The following PPP1R1B variants were observed in gnomAD, a reference collection of about 807,000 sequenced individuals.
PPP1R1B encodes protein phosphatase 1 regulatory inhibitor subunit 1B.
PPP1R1B carries 13 observed loss-of-function variants against 28.2 expected under a neutral mutation model. The ratio of observed to expected loss-of-function variants is 0.46; its 90% confidence interval spans 0.30 to 0.73. The LOEUF (loss-of-function observed/expected upper bound fraction) is 0.73. Ranked by LOEUF, PPP1R1B falls within the 30% of genes least tolerant of loss-of-function variation. The pLI, the probability that PPP1R1B is intolerant of heterozygous loss-of-function variation, is 0.07. For synonymous variants in PPP1R1B, 102 were observed against 97.5 expected, an observed-to-expected ratio of 1.05 and a Z score of -0.27; for missense variants, 236 against 256.7, an observed-to-expected ratio of 0.92 and a Z score of 0.55.
chr17:39,630,281 A>G (rs2056867870), intron 4 of PPP1R1B: 2 of 522,906 alleles, frequency 3.8e-6, no homozygotes, highest in Non-Finnish European at 3.5e-6. Flanking sequence ...TGTGGGCTTG[A>G]AAGAAAAGAG....
chr17:39,634,031 A>G lies in PPP1R1B; in HGVS notation c.390A>G (p.Glu130=), dbSNP rs374463737. Residue 130 remains glutamate (E), a synonymous_variant, in exon 5 of 7, where the codon GAA becomes GAG. Transcript: ENST00000254079. The stretch of plus-strand genomic sequence containing the variant: ...AGGAGGAAGAGGAGGATGATGAAGA[A>G]GAGGAAGAAGAAGAGGACAGCCAGG... ...EDEEEEEDDE[E]EEEEEDSQAE... is the part of the protein sequence containing the mutation. 4.3e-6 allele frequency: 7 copies of G among 1,613,824 alleles called. No homozygotes were observed. The highest frequency in any genetic ancestry group is 4.5e-5 in the East Asian group (2 of 44,894).
chr17:39,629,351 G>C, intron 2 of PPP1R1B, 121 bp downstream of exon 2: 1 of 1,297,600 alleles, frequency 7.7e-7, no homozygotes, highest in East Asian at 2.3e-5. Flanking sequence ...GATAAGGTCT[G>C]GGAACCCAAC....
chr17:39,634,755 A>T (rs984194397), intron 5 of PPP1R1B, among the ~76,000 whole-genome samples: 1 of 152,272 alleles, frequency 6.6e-6, no homozygotes, highest in African/African-American at 2.4e-5. Context: ...CATATCTGGC[A>T]GTGAAGAGAT....
At chr17:39,634,575 A>C (rs977413326) in intron 5 of PPP1R1B, among the ~76,000 whole-genome samples, 8 of 152,090 alleles carry the variant, frequency 5.3e-5, no homozygotes, top group African/African-American at 1.9e-4. Context: ...CCTAGGATGG[A>C]GTGGGAGGGT....
chr17:39,633,840 G>A (rs1349106050), intron 4 of PPP1R1B, 43 bp from the exon 5 acceptor site: 2 of 1,609,860 alleles, frequency 1.2e-6, no homozygotes, highest in Non-Finnish European at 1.7e-6. Context: ...TCCATGGGCT[G>A]TGTCTAGCTG....
At chr17:39,630,124 A>C in intron 4 of PPP1R1B, 77 bp downstream of exon 4, 1 of 1,365,852 alleles carries the variant, frequency 7.3e-7, no homozygotes, top group Non-Finnish European at 1.0e-6. Flanking sequence ...AGCTTTTGTC[A>C]GTGGGGAGGG....
chr17:39,633,765 G>C (rs1597780979), intron 4 of PPP1R1B, 118 bp from the exon 5 acceptor site: 2 of 1,542,882 alleles, frequency 1.3e-6, no homozygotes, highest in African/African-American at 1.4e-5. Context: ...GGCCCCTGAG[G>C]GGGTATTCTC....
rs143077791 is a variant in PPP1R1B, at chr17:39,633,863, C to T, written c.242-20C>T. The stretch of plus-strand genomic sequence containing the variant: ...CTGTGTCTAGCTGACCCTTGCTTTC[C>T]TCGGTCTCCTCTGTGCCAGCTGTGC... On this transcript the variant is annotated intron_variant, in intron 4 of 6. Transcript: ENST00000254079. The T allele has an allele frequency of 5.9e-4, 952 of 1,612,628 alleles. No individual in the cohort carries two copies. The highest frequency in any genetic ancestry group is 7.5e-4 in the Non-Finnish European group (890 of 1,179,520).
At chr17:39,635,771 G>C in intron 6 of PPP1R1B, 45 bp downstream of exon 6, 2 of 1,612,536 alleles carry the variant, frequency 1.2e-6, no homozygotes, top group Non-Finnish European at 1.7e-6. Context: ...CTGGGATCTT[G>C]GTGGGTGGGG....
In PPP1R1B at chr17:39,627,332, C is replaced by A; in HGVS notation, c.-61C>A. The A allele has an allele frequency of 8.0e-7, 1 of 1,255,744 alleles. No homozygotes were observed. Among genetic ancestry groups the A allele is most frequent in the Non-Finnish European group, 1.1e-6 (1 of 887,158 alleles). The allele number at this position is 1,255,744 out of a possible 1,614,324, so 77.8% of individuals were successfully genotyped here. A position where few individuals can be genotyped will look rare whatever the true frequency, so the allele number is the denominator to read the frequency against. The stretch of plus-strand genomic sequence containing the variant: ...CCGCCGCCTGCGCGGGGGAGCCCAG[C>A]ACAGACCGCCGCCGGGACCCCGAGT... On this transcript the variant is annotated 5_prime_UTR_variant, in exon 1 of 7. Coordinates refer to ENST00000254079, the MANE Select transcript of PPP1R1B (RefSeq NM_032192.4).
chr17:39,631,416 G>A (rs1400828046), intron 4 of PPP1R1B, among the ~76,000 whole-genome samples: 3 of 152,192 alleles, frequency 2.0e-5, no homozygotes, highest in African/African-American at 7.2e-5. Flanking sequence ...ACCTGGAGGA[G>A]GCTTCGTTTC....
Position 39,636,594 on chromosome 17 carries a change from CT to C in PPP1R1B, c.*730del, listed in dbSNP as rs2056926415. 1.3e-5 allele frequency: 2 copies of C among 152,786 alleles called. No homozygotes were observed. The highest frequency in any genetic ancestry group is 3.8e-4 in the East Asian group (2 of 5,314). The allele number at this position is 152,786 out of a possible 1,614,324, so 9.5% of individuals were successfully genotyped here. A position where few individuals can be genotyped will look rare whatever the true frequency, so the allele number is the denominator to read the frequency against. ...CTTCCCTGACTCCAGGCCTGAACCC[CT>C]CCCGTGCTGTAATAAATCTTTGTAA... On this transcript the variant is annotated 3_prime_UTR_variant, in exon 7 of 7. Transcript: ENST00000254079.
intron 4 of PPP1R1B, among the ~76,000 whole-genome samples, chr17:39,630,640 G>A (rs1427042098): frequency 6.6e-6 from 1 of 152,242 alleles, no homozygotes; most frequent in African/African-American, 2.4e-5. Flanking sequence ...GGGTCAGGGA[G>A]GGGCCAAGTA....
At position 39,627,440 on chromosome 17, in the gene PPP1R1B, C is replaced by T; in HGVS notation, c.48C>T (p.Pro16=). The change falls in exon 1 of 7, where the codon CCC becomes CCT. Residue 16 remains proline, a synonymous_variant. Coordinates refer to ENST00000254079, the MANE Select transcript of PPP1R1B (RefSeq NM_032192.4). ...AGATCCAGTTCTCGGTGCCCGCGCC[C>T]CCTAGCCAGCTCGACCCCCGCCAGG... ...RKKIQFSVPA[P]PSQLDPRQVE... is the part of the protein sequence containing the mutation. 3.1e-6 allele frequency: 5 copies of T among 1,602,618 alleles called. No individual in the cohort carries two copies. The highest frequency in any genetic ancestry group is 3.4e-6 in the Non-Finnish European group (4 of 1,175,870).
Position 39,634,091 on chromosome 17 carries a change from G to A in PPP1R1B, c.445+5G>A, listed in dbSNP as rs746051752. ...TGAAGGTCATCAGGCAGTCTGGTAA[G>A]CTGAGGGGCCTGTGACATGTGGATT... On this transcript the variant is annotated splice_donor_5th_base_variant and intron_variant, in intron 5 of 6. Transcript: ENST00000254079. The A allele has an allele frequency of 1.2e-6, 2 of 1,613,490 alleles. No individual in the cohort carries two copies. The highest frequency in any genetic ancestry group is 2.2e-5 in the East Asian group (1 of 44,902).
chr17:39,630,760 A>G (rs1477955657), intron 4 of PPP1R1B, among the ~76,000 whole-genome samples: 1 of 152,096 alleles, frequency 6.6e-6, no homozygotes, highest in African/African-American at 2.4e-5. Flanking sequence ...CCCCATCTCT[A>G]TGAAAAATTT....
In PPP1R1B at chr17:39,627,362, C is replaced by T; in HGVS notation, c.-31C>T. ...ACCGCCGCCGGGACCCCGAGTCGCG[C>T]ACCCCAGCCCCACCGCCCACCCCGC... On this transcript the variant is annotated 5_prime_UTR_variant, in exon 1 of 7. Transcript: ENST00000254079. The T allele has an allele frequency of 6.6e-7, 1 of 1,522,504 alleles. No homozygotes were observed. 94.3% of individuals were successfully genotyped at this position (1,522,504 alleles called of 1,614,324 possible). A position where few individuals can be genotyped will look rare whatever the true frequency, so the allele number is the denominator to read the frequency against.
intron 3 of PPP1R1B, 96 bp from the exon 4 acceptor site, chr17:39,629,876 C>A: frequency 7.9e-7 from 1 of 1,261,202 alleles, no homozygotes; most frequent in South Asian, 1.2e-5. Flanking sequence ...GTGGCTAAAT[C>A]AGTCTGCTTG....
intron 6 of PPP1R1B, 32 bp downstream of exon 6, chr17:39,635,758 G>A (rs768284256): frequency 6.2e-7 from 1 of 1,612,268 alleles, no homozygotes; most frequent in South Asian, 1.1e-5. Flanking sequence ...TGGGGAGGAG[G>A]GGCTGGGATC....
Sources: gnomAD v4.1 joint callset for allele counts (sites outside exome capture counted in the v4.1 genomes callset) on GRCh38, gnomAD v4.1.1 for gene constraint, MANE v1.5 for transcripts, NCBI Gene and HGNC (gene_info 2026-07-23, HGNC 2026-07-21) for gene names.